The following CDKN3 variants were observed in gnomAD, a reference collection of about 807,000 sequenced individuals.
CDKN3 encodes cyclin dependent kinase inhibitor 3.
Under a neutral mutation model 36.1 loss-of-function variants are expected in CDKN3, and 19 were observed. That is an observed-to-expected ratio of 0.53 (90% CI 0.37 to 0.77). CDKN3 has a LOEUF of 0.77. CDKN3 is among the 30% of genes least tolerant of loss of function. The pLI, the probability that CDKN3 is intolerant of heterozygous loss-of-function variation, is 0.00. For synonymous variants in CDKN3, 71 were observed against 85.3 expected (o/e 0.83, Z 0.92); for missense variants, 188 against 248.6 (o/e 0.76, Z 1.64).
intron 6 of CDKN3, 124 bp from the exon 7 acceptor site, chr14:54,417,724 T>C: frequency 1.9e-6 from 1 of 531,710 alleles, no homozygotes; most frequent in Non-Finnish European, 3.4e-6. Flanking sequence ...AGTCTCAGTC[T>C]TTTAATTCAT....
intron 4 of CDKN3, among the ~76,000 whole-genome samples, chr14:54,410,598 G>A (rs4251635): frequency 0.01 from 1,561 of 152,158 alleles, 20 homozygotes; most frequent in Middle Eastern, 0.061. Flanking sequence ...ATTTACTGGC[G>A]ACCTAGTCTA....
Position 54,420,055 on chromosome 14 carries a change from C to A in CDKN3, c.616C>A (p.Gln206Lys). The A allele has an allele frequency of 6.2e-7, 1 of 1,600,164 alleles. No homozygotes were observed. Among genetic ancestry groups the A allele is most frequent in the Non-Finnish European group, 8.6e-7 (1 of 1,167,658 alleles). Residue 206 changes from glutamine (Q) to lysine (K), a missense_variant, in exon 8 of 8, where the codon CAA (glutamine) becomes AAA (lysine). By Grantham distance (53) the Gln-to-Lys change is moderately conservative. Coordinates refer to ENST00000335183, the MANE Select transcript of CDKN3 (RefSeq NM_005192.4). ...LAAHLSSRDS[Q>K]SRSVSR ...TGCACATCTATCATCAAGAGATTCA[C>A]AATCAAGATCTGTATCAAGATAAAG...
chr14:54,403,226 TG>T, intron 3 of CDKN3, among the ~76,000 whole-genome samples: 1 of 151,776 alleles, frequency 6.6e-6, no homozygotes, highest in Non-Finnish European at 1.5e-5. Flanking sequence ...CTTATTTCCT[TG>T]AGCAGTGGTT....
chr14:54,398,703 T>G (rs1433262195), intron 1 of CDKN3, among the ~76,000 whole-genome samples: 1 of 152,178 alleles, frequency 6.6e-6, no homozygotes, highest in Non-Finnish European at 1.5e-5. Flanking sequence ...CAACAAGGAG[T>G]GTAGAAGTCT....
chr14:54,406,270 A>G (rs1421227490), intron 3 of CDKN3, among the ~76,000 whole-genome samples: 1 of 151,552 alleles, frequency 6.6e-6, no homozygotes, highest in Non-Finnish European at 1.5e-5. Flanking sequence ...TGCTCTTTAC[A>G]TTTTTTTCCT....
chr14:54,418,393 G>T (rs1326088167), intron 7 of CDKN3: 2 of 645,700 alleles, frequency 3.1e-6, no homozygotes, highest in Non-Finnish European at 5.5e-6. Context: ...ACAGATGAAT[G>T]ACTATAATAC....
At chr14:54,417,787 A>C in intron 6 of CDKN3, 61 bp from the exon 7 acceptor site, 2 of 876,062 alleles carry the variant, frequency 2.3e-6, no homozygotes, top group Non-Finnish European at 1.8e-6. Context: ...TTAAATATAA[A>C]ATGCTGTACC....
chr14:54,414,152 G>A (rs533773260), intron 5 of CDKN3: 2 of 154,468 alleles, frequency 1.3e-5, no homozygotes, highest in South Asian at 2.0e-4. Flanking sequence ...GCTCTAATTC[G>A]TCTTAACTTG....
chr14:54,399,857 T>A (rs747806348), intron 1 of CDKN3, 37 bp from the exon 2 acceptor site: 11 of 1,084,890 alleles, frequency 1.0e-5, no homozygotes, highest in Non-Finnish European at 1.4e-5. Context: ...TACAAAAAAA[T>A]TCTTTACAGT....
chr14:54,398,955 G>A (rs987143138), intron 1 of CDKN3, among the ~76,000 whole-genome samples: 20 of 148,326 alleles, frequency 1.3e-4, no homozygotes, highest in African/African-American at 4.0e-4. Context: ...CAAGCCCTTG[G>A]CTTAACTTCT....
Position 54,417,910 on chromosome 14 carries a change from C to G in CDKN3, c.511C>G (p.Leu171Val), listed in dbSNP as rs2030603180. 1 of 1,597,348 alleles carries G rather than the reference C, an allele frequency of 6.3e-7. No homozygotes were observed. The part of the protein sequence containing the change: ...TISPEQAIDS[L>V]RDLRGSGAIQ... ...ATCACCAGAGCAAGCCATAGACAGC[C>G]TGCGAGACCTAAGAGGATCCGGGGC... Residue 171 changes from leucine to valine, a missense_variant, in exon 7 of 8, where the codon CTG becomes GTG. Coordinates refer to ENST00000335183, the MANE Select transcript of CDKN3 (RefSeq NM_005192.4).
chr14:54,417,342 T>C (rs934478524), intron 6 of CDKN3, among the ~76,000 whole-genome samples: 20 of 152,204 alleles, frequency 1.3e-4, no homozygotes, highest in African/African-American at 4.6e-4. Context: ...AATACAGACA[T>C]ATGCTACAAT....
Position 54,417,428 on chromosome 14 carries a change from T to G in CDKN3, c.449-420T>G, listed in dbSNP as rs1248669917. On this transcript the variant is annotated intron_variant, in intron 6 of 7. Coordinates refer to ENST00000335183, the MANE Select transcript of CDKN3 (RefSeq NM_005192.4). The stretch of plus-strand genomic sequence containing the variant: ...AAAATATTGTATGTTTCCGTTTATG[T>G]GATTGCTCAGAATAGGCAGATCTAC... 2.0e-5 allele frequency among the ~76,000 whole-genome samples: 3 copies of G among 152,172 alleles called. No individual in the cohort carries two copies. The East Asian group carries it at 5.8e-4, about 29-fold the overall frequency.
intron 1 of CDKN3, among the ~76,000 whole-genome samples, chr14:54,397,466 A>C (rs963839123): frequency 2.0e-5 from 3 of 152,320 alleles, no homozygotes; most frequent in African/African-American, 7.2e-5. Flanking sequence ...GCCGGGCGCT[A>C]CCTGCGCCCA....
At chr14:54,401,249 A>T (rs777295548) in intron 2 of CDKN3, among the ~76,000 whole-genome samples, 3 of 152,230 alleles carry the variant, frequency 2.0e-5, no homozygotes, top group Non-Finnish European at 4.4e-5. Context: ...AAGTGCTGGG[A>T]TCATAGGCAT....
intron 1 of CDKN3, among the ~76,000 whole-genome samples, chr14:54,398,375 T>C (rs1886380299): frequency 6.6e-6 from 1 of 152,142 alleles, no homozygotes; most frequent in African/African-American, 2.4e-5. Context: ...CACCAGTATC[T>C]CAACTTTTTC....
In CDKN3 at chr14:54,401,537, C is replaced by A. The variant is rs774274242; in HGVS notation, c.106C>A (p.Arg36=). 6.2e-7 allele frequency: 1 copy of A among 1,609,194 alleles called. No homozygotes were observed. Among genetic ancestry groups the A allele is most frequent in the Admixed American group, 1.7e-5 (1 of 59,746 alleles). Residue 36 remains arginine, a synonymous_variant, in exon 3 of 8, where the codon CGA becomes AGA. Coordinates refer to ENST00000335183, the MANE Select transcript of CDKN3 (RefSeq NM_005192.4). ...PIHISWLSLS[R]VNCSQFLGLC... Reference sequence around the variant, plus strand: ...TCTTCTTTTCAGGCTATCTTTGTCACGAGTGAATTGTTCTCAGTTTCTCGG... The same window carrying A: ...TCTTCTTTTCAGGCTATCTTTGTCAAGAGTGAATTGTTCTCAGTTTCTCGG...
Position 54,399,949 on chromosome 14 carries a change from A to G in CDKN3, c.65A>G (p.Asp22Gly). 5 of 1,545,606 alleles carry G rather than the reference A, an allele frequency of 3.2e-6. No homozygotes were observed. The highest frequency in any genetic ancestry group is 4.5e-6 in the Non-Finnish European group (5 of 1,117,804). Residue 22 changes from aspartate to glycine, a missense_variant, in exon 2 of 8, where the codon GAT (aspartate) becomes GGT (glycine). Transcript: ENST00000335183. ...TCATCAGATGAAGAGCCTATTGAAG[A>G]TGAACAGACTCCAATTCATATATCA... ...FDSSDEEPIE[D>G]EQTPIHISWL...
rs1164568590 is a variant in CDKN3, at chr14:54,418,767, C to G, written c.552+816C>G. Among the ~76,000 whole-genome samples the G allele has an allele frequency of 2.0e-5, 3 of 152,156 alleles. No individual in the cohort carries two copies. The East Asian group carries it at 5.8e-4, about 29-fold the overall frequency. Reference sequence around the variant, plus strand: ...ATTACTGATAAATTCACCAAGCAACCTGATTCTTAGGGCTTAAATAAGGTC... The same window carrying G: ...ATTACTGATAAATTCACCAAGCAACGTGATTCTTAGGGCTTAAATAAGGTC... On this transcript the variant is annotated intron_variant, in intron 7 of 7. Transcript: ENST00000335183.
Sources: allele counts gnomAD v4.1 joint callset (sites outside exome capture counted in the v4.1 genomes callset), GRCh38; gene constraint gnomAD v4.1.1; transcripts MANE v1.5; gene names NCBI Gene and HGNC (gene_info 2026-07-23, HGNC 2026-07-21).